The following NCKAP1 variants were observed in gnomAD, a reference collection of about 807,000 sequenced individuals.
The protein encoded by NCKAP1 is nck-associated protein 1.
NCKAP1 carries 21 observed loss-of-function variants against 151.2 expected under a neutral mutation model. That is an observed-to-expected ratio of 0.14 (90% CI 0.10 to 0.20). The LOEUF (loss-of-function observed/expected upper bound fraction) is 0.20. Among genes scored for constraint, NCKAP1 ranks in the 10% least tolerant of loss-of-function variants. The probability of loss-of-function intolerance (pLI) is 1.00; values close to 1 mark genes in which losing one functional copy is unlikely to be tolerated. For missense variants in NCKAP1, 933 were observed against 1,352.1 expected (o/e 0.69, Z 4.86); for synonymous variants, 484 against 451.8 (o/e 1.07, Z -0.90).
In NCKAP1 at chr2:183,029,295, C is replaced by A. The variant is rs1037160118; in HGVS notation, c.109-5379G>T. On this transcript the variant is annotated intron_variant, in intron 1 of 30. Transcript: ENST00000361354. ...TTTGATTAGAAACATCAAGCCTAGA[C>A]CCTATGCCATTTTAAAGTATGACTT... 2.0e-5 allele frequency among the ~76,000 whole-genome samples: 3 copies of A among 152,194 alleles called. No homozygotes were observed. The South Asian group carries it at 6.2e-4, about 32-fold the overall frequency.
intron 1 of NCKAP1, among the ~76,000 whole-genome samples, chr2:183,034,395 T>C (rs1479475702): frequency 6.7e-6 from 1 of 149,480 alleles, no homozygotes; most frequent in East Asian, 1.9e-4. Flanking sequence ...TTTTTTTTTT[T>C]CTCATTCTCT....
In NCKAP1 at chr2:182,961,666, G is replaced by A. The variant is rs112519371; in HGVS notation, c.1881+493C>T. Among the ~76,000 whole-genome samples the A allele has an allele frequency of 8.9e-3, 1,346 of 151,890 alleles. 19 individuals carry two copies. The highest frequency in any genetic ancestry group is 0.031 in the African/African-American group (1,272 of 41,404). On this transcript the variant is annotated intron_variant, in intron 18 of 30. Transcript: ENST00000361354. ...AATGGGTGCAGCACACCAACATGGC[G>A]TATGTATACCTATGTAACTAACCTG...
chr2:182,957,186 A>G, intron 19 of NCKAP1: 1 of 278,482 alleles, frequency 3.6e-6, no homozygotes, highest in Non-Finnish European at 6.5e-6. Context: ...TGTAACACAC[A>G]AAATTTTTTA....
rs1416637074 is a variant in NCKAP1, at chr2:182,955,757, T to G, written c.2153+705A>C. On this transcript the variant is annotated intron_variant, in intron 20 of 30. Transcript: ENST00000361354. Reference sequence around the variant, plus strand: ...CAATATATATATTTAATGCACACAGTGTACTGGGTTTTTTTTCCTATTTTT... The same window carrying G: ...CAATATATATATTTAATGCACACAGGGTACTGGGTTTTTTTTCCTATTTTT... 2.6e-5 allele frequency among the ~76,000 whole-genome samples: 4 copies of G among 152,262 alleles called. No individual in the cohort carries two copies. In the East Asian group the frequency reaches 7.7e-4, roughly 29 times the overall value.
Position 182,922,228 on chromosome 2 carries a change from C to A in NCKAP1, c.*3474G>T, listed in dbSNP as rs942246436. On this transcript the variant is annotated 3_prime_UTR_variant, in exon 31 of 31. Coordinates refer to ENST00000361354, the MANE Select transcript of NCKAP1 (RefSeq NM_013436.5). ...GGATCATGTACTAATCAGTAGGTTACAATTCACTACCTTACAGAATTTGGG... is the reference window on the plus strand; with the variant it reads ...GGATCATGTACTAATCAGTAGGTTAAAATTCACTACCTTACAGAATTTGGG... 2.0e-5 allele frequency: 3 copies of A among 152,206 alleles called. No homozygotes were observed. Among genetic ancestry groups the A allele is most frequent in the Non-Finnish European group, 2.9e-5 (2 of 68,042 alleles). 9.4% of individuals were successfully genotyped at this position (152,206 alleles called of 1,614,324 possible).
chr2:182,954,807 T>A (rs12693330), intron 20 of NCKAP1, among the ~76,000 whole-genome samples: 143,115 of 152,108 alleles, frequency 0.94, 67,435 homozygotes, highest in East Asian at 0.99. Flanking sequence ...ATAAATAAAT[T>A]AAATAAAATA....
At chr2:183,028,105 C>T (rs982685169) in intron 1 of NCKAP1, among the ~76,000 whole-genome samples, 3 of 151,872 alleles carry the variant, frequency 2.0e-5, no homozygotes, top group African/African-American at 4.8e-5. Context: ...CTTCTATCCC[C>T]CATACTCCCA....
At chr2:183,013,150 C>T (rs530731966) in intron 2 of NCKAP1, among the ~76,000 whole-genome samples, 1 of 152,146 alleles carries the variant, frequency 6.6e-6, no homozygotes, top group East Asian at 1.9e-4. Context: ...GATGATTATT[C>T]CATTCCTTTC....
intron 24 of NCKAP1, among the ~76,000 whole-genome samples, chr2:182,938,091 C>A (rs188846885): frequency 2.6e-5 from 4 of 152,308 alleles, no homozygotes; most frequent in African/African-American, 9.6e-5. Context: ...AGGTGGGGCC[C>A]AATAATTTAC....
chr2:182,917,109 A>C lies in NCKAP1; in HGVS notation c.*8593T>G, dbSNP rs1247516743. The C allele has an allele frequency of 6.6e-6, 1 of 152,178 alleles. No individual in the cohort carries two copies. Among genetic ancestry groups the C allele is most frequent in the Non-Finnish European group, 1.5e-5 (1 of 68,038 alleles). The allele number at this position is 152,178 out of a possible 1,614,324, so 9.4% of individuals were successfully genotyped here. A position where few individuals can be genotyped will look rare whatever the true frequency, so the allele number is the denominator to read the frequency against. Reference sequence around the variant, plus strand: ...CCTCTTCTTCCCCACCATCTCATCAATTTATACGCATGATCTTATTTTAAT... The same window carrying C: ...CCTCTTCTTCCCCACCATCTCATCACTTTATACGCATGATCTTATTTTAAT... On this transcript the variant is annotated 3_prime_UTR_variant, in exon 31 of 31. Transcript: ENST00000361354.
At position 182,952,469 on chromosome 2, in the gene NCKAP1, T is replaced by C. The variant is rs1258501634; in HGVS notation, c.2537A>G (p.Tyr846Cys). 1.9e-6 allele frequency: 3 copies of C among 1,610,372 alleles called. No individual in the cohort carries two copies. The highest frequency in any genetic ancestry group is 2.5e-6 in the Non-Finnish European group (3 of 1,178,456). The change falls in exon 23 of 31, where the codon TAT becomes TGT. Residue 846 changes from tyrosine (Y) to cysteine (C), a missense_variant. By Grantham distance (194) the Tyr-to-Cys change is radical. Transcript: ENST00000361354. ...GCTTTCACTTAGAAACTTCATACCA[T>C]ATGGGCCTAGTAGTTCTGATAATGA... ...MRSLSELLGP[Y>C]GMKFLSESLM...
At position 183,002,050 on chromosome 2, in the gene NCKAP1, A is replaced by C; in HGVS notation, c.513-7T>G. 6.2e-7 allele frequency: 1 copy of C among 1,613,304 alleles called. No homozygotes were observed. The highest frequency in any genetic ancestry group is 8.5e-7 in the Non-Finnish European group (1 of 1,179,466). ...GCGTGGGTATTCTCTGTCACTTAAAACAGACATATCAAATTTCAATGAGTT... is the reference window on the plus strand; with the variant it reads ...GCGTGGGTATTCTCTGTCACTTAAACCAGACATATCAAATTTCAATGAGTT... On this transcript the variant is annotated splice_region_variant and splice_polypyrimidine_tract_variant and intron_variant, in intron 5 of 30. Coordinates refer to ENST00000361354, the MANE Select transcript of NCKAP1 (RefSeq NM_013436.5).
Position 182,912,353 on chromosome 2 carries a change from G to C in NCKAP1, c.*13349C>G, listed in dbSNP as rs1330043967. ...GTTCTGTTTTTGCCAGTGCCAAAAA[G>C]ATTTCCAAATCTTTTCAGCTAAAAA... On this transcript the variant is annotated 3_prime_UTR_variant, in exon 31 of 31. Transcript: ENST00000361354. 3 of 152,082 alleles carry C rather than the reference G, an allele frequency of 2.0e-5. No individual in the cohort carries two copies. Among genetic ancestry groups the C allele is most frequent in the African/African-American group, 7.2e-5 (3 of 41,408 alleles). 9.4% of individuals were successfully genotyped at this position (152,082 alleles called of 1,614,324 possible). A position where few individuals can be genotyped will look rare whatever the true frequency, so the allele number is the denominator to read the frequency against.
intron 23 of NCKAP1, among the ~76,000 whole-genome samples, chr2:182,951,285 T>C (rs893868130): frequency 5.3e-5 from 8 of 152,158 alleles, no homozygotes; most frequent in African/African-American, 1.9e-4. Context: ...TTGCTCAATT[T>C]TCAGTAAATC....
At chr2:183,022,273 G>C (rs1698810575) in intron 2 of NCKAP1, among the ~76,000 whole-genome samples, 1 of 152,066 alleles carries the variant, frequency 6.6e-6, no homozygotes, top group Non-Finnish European at 1.5e-5. Flanking sequence ...TGAGCTGTAA[G>C]AAAAAGAAGT....
Position 182,928,799 on chromosome 2 carries a change from G to A in NCKAP1, c.3054C>T (p.Tyr1018=). Residue 1018 remains tyrosine, a synonymous_variant, in exon 28 of 31, where the codon TAC becomes TAT. Coordinates refer to ENST00000361354, the MANE Select transcript of NCKAP1 (RefSeq NM_013436.5). The stretch of plus-strand genomic sequence containing the variant: ...CACTATTACCTTCTATAGCAGGGCT[G>A]TACTGAGACATCACATTACTGGCCA... The part of the protein sequence containing the change: ...PTLASNVMSQ[Y]SPAIEGHCNN... 6.2e-7 allele frequency: 1 copy of A among 1,606,716 alleles called. No individual in the cohort carries two copies. The highest frequency in any genetic ancestry group is 1.1e-5 in the South Asian group (1 of 90,382).
intron 23 of NCKAP1, among the ~76,000 whole-genome samples, chr2:182,946,266 G>A (rs953657162): frequency 6.6e-6 from 1 of 152,084 alleles, no homozygotes; most frequent in Non-Finnish European, 1.5e-5. Flanking sequence ...CAGGCGTGGC[G>A]GTCGGCGCCT....
chr2:182,957,633 A>G (rs958548132), intron 18 of NCKAP1, 37 bp from the exon 19 acceptor site: 13 of 1,597,276 alleles, frequency 8.1e-6, no homozygotes, highest in Non-Finnish European at 1.7e-6. Context: ...ACATTACACC[A>G]ATTACTCTGA....
intron 10 of NCKAP1, among the ~76,000 whole-genome samples, chr2:182,984,516 G>C (rs1345372670): frequency 1.3e-5 from 2 of 151,798 alleles, no homozygotes; most frequent in African/African-American, 2.4e-5. Context: ...TGACACAGTA[G>C]ATCAGTTTCA....
Sources: gnomAD v4.1 joint callset for allele counts (sites outside exome capture counted in the v4.1 genomes callset) on GRCh38, gnomAD v4.1.1 for gene constraint, MANE v1.5 for transcripts, NCBI Gene and HGNC (gene_info 2026-07-23, HGNC 2026-07-21) for gene names.